The following ITGB1 variants were observed in gnomAD, a reference collection of about 807,000 sequenced individuals.
ITGB1 encodes the protein integrin beta-1.
In ITGB1, 24 loss-of-function variants were observed where a neutral mutation model predicts 86.5. The ratio of observed to expected loss-of-function variants is 0.28; its 90% confidence interval spans 0.20 to 0.39. The LOEUF (loss-of-function observed/expected upper bound fraction) is 0.39. ITGB1 is among the 10% of genes least tolerant of loss of function. ITGB1 has a pLI of 1.00. For synonymous variants in ITGB1, 323 were observed against 316.8 expected (o/e 1.02, Z -0.21); for missense variants, 556 against 946.9 (o/e 0.59, Z 5.42).
At chr10:32,903,858 C>T (rs1242967032) in intron 15 of ITGB1, among the ~76,000 whole-genome samples, 1 of 152,144 alleles carries the variant, frequency 6.6e-6, no homozygotes, top group African/African-American at 2.4e-5. Context: ...TTACACTCCA[C>T]ATTTATATCC....
At chr10:32,928,070 G>A in intron 5 of ITGB1, 24 bp downstream of exon 5, 2 of 1,358,402 alleles carry the variant, frequency 1.5e-6, no homozygotes, top group Non-Finnish European at 2.1e-6. Context: ...TAATGAAAAT[G>A]GTCAATGTTC....
chr10:32,904,622 C>A (rs2094891216), intron 15 of ITGB1, among the ~76,000 whole-genome samples: 1 of 152,198 alleles, frequency 6.6e-6, no homozygotes, highest in Non-Finnish European at 1.5e-5. Flanking sequence ...ACATAATTGA[C>A]TGGCAAACCT....
chr10:32,903,080 G>A (rs887216813), intron 15 of ITGB1, among the ~76,000 whole-genome samples: 4 of 151,952 alleles, frequency 2.6e-5, no homozygotes, highest in Admixed American at 6.6e-5. Flanking sequence ...GGGCAGGCGC[G>A]GTGGCTCATG....
intron 1 of ITGB1, among the ~76,000 whole-genome samples, chr10:32,948,310 T>G (rs963554618): frequency 2.6e-5 from 4 of 152,164 alleles, no homozygotes; most frequent in Non-Finnish European, 4.4e-5. Flanking sequence ...TATTTTATAC[T>G]GACAAAATAT....
chr10:32,947,216 TG>T lies in ITGB1; in HGVS notation c.-1+10928del, dbSNP rs2095033324. Reference sequence around the variant, plus strand: ...TATTATGTGCTTTGTAAAAATGTTGTGAACTCCCAAACTTATAGATTATCAC... The same window carrying T: ...TATTATGTGCTTTGTAAAAATGTTGTAACTCCCAAACTTATAGATTATCAC... On this transcript the variant is annotated intron_variant, in intron 1 of 15. Transcript: ENST00000302278. Among the ~76,000 whole-genome samples the T allele has an allele frequency of 2.6e-5, 4 of 152,226 alleles. 1 individual carries two copies. In the South Asian group the frequency reaches 8.3e-4, roughly 32 times the overall value.
At chr10:32,927,403 A>C (rs1334409495) in intron 5 of ITGB1, among the ~76,000 whole-genome samples, 1 of 152,190 alleles carries the variant, frequency 6.6e-6, no homozygotes, top group African/African-American at 2.4e-5. Flanking sequence ...CATATGAAAA[A>C]TCCAGGTCTA....
intron 10 of ITGB1, 33 bp from the exon 11 acceptor site, chr10:32,920,117 AAAC>A (rs1565823370): frequency 6.3e-7 from 1 of 1,583,702 alleles, no homozygotes; most frequent in Non-Finnish European, 8.6e-7. Context: ...ACAACCAACT[AAAC>A]AATTTAAATC....
chr10:32,917,585 T>A (rs961898665), intron 11 of ITGB1, among the ~76,000 whole-genome samples: 5 of 152,004 alleles, frequency 3.3e-5, no homozygotes, highest in Non-Finnish European at 7.4e-5. Flanking sequence ...AACAGACACA[T>A]GAAAAAATGC....
chr10:32,907,745 C>G (rs977979636), intron 15 of ITGB1, among the ~76,000 whole-genome samples: 6 of 151,918 alleles, frequency 3.9e-5, no homozygotes, highest in African/African-American at 1.5e-4. Flanking sequence ...AATCTTTTGG[C>G]TTCCCTGGGC....
intron 1 of ITGB1, among the ~76,000 whole-genome samples, chr10:32,942,683 CTT>C (rs756465879): frequency 2.4e-4 from 22 of 91,110 alleles, no homozygotes; most frequent in Admixed American, 5.8e-4. Context: ...CTCTCTCTCT[CTT>C]TTTTTTTTTT....
chr10:32,919,819 A>C, intron 11 of ITGB1, 66 bp downstream of exon 11: 1 of 1,423,334 alleles, frequency 7.0e-7, no homozygotes, highest in Non-Finnish European at 9.9e-7. Context: ...GATGTCCCAA[A>C]ATATGACCTG....
chr10:32,946,880 G>T (rs2095032572), intron 1 of ITGB1, among the ~76,000 whole-genome samples: 1 of 146,314 alleles, frequency 6.8e-6, no homozygotes, highest in South Asian at 2.2e-4. Flanking sequence ...AGTTTCACTT[G>T]ATCACCCAGG....
At chr10:32,944,496 C>T (rs945322968) in intron 1 of ITGB1, 6 of 401,722 alleles carry the variant, frequency 1.5e-5, no homozygotes, top group Admixed American at 6.6e-5. Flanking sequence ...ACCTCTCTAG[C>T]GGAGACCTGC....
intron 11 of ITGB1, among the ~76,000 whole-genome samples, chr10:32,918,371 G>GAAA (rs1227314661): frequency 1.3e-5 from 2 of 151,476 alleles, no homozygotes; most frequent in African/African-American, 4.8e-5. Context: ...ATCTTGGAGG[G>GAAA]AATAATAATA....
chr10:32,929,933 T>C lies in ITGB1; in HGVS notation c.265A>G (p.Ile89Val). ...DIENPRGSKD[I>V]KKNKNVTNRS... ...TTGGTTACATTTTTATTTTTCTTTA[T>C]ATCTTTGGAGCCTCTGGGATTTTCT... Residue 89 changes from isoleucine to valine, a missense_variant, in exon 4 of 16, where the codon ATA becomes GTA. Transcript: ENST00000302278. 1 of 1,579,004 alleles carries C rather than the reference T, an allele frequency of 6.3e-7. No individual in the cohort carries two copies. Among genetic ancestry groups the C allele is most frequent in the South Asian group, 1.1e-5 (1 of 90,410 alleles).
At position 32,912,124 on chromosome 10, in the gene ITGB1, C is replaced by T; in HGVS notation, c.1470G>A (p.Arg490=). 1 of 1,605,482 alleles carries T rather than the reference C, an allele frequency of 6.2e-7. No individual in the cohort carries two copies. The highest frequency in any genetic ancestry group is 8.5e-7 in the Non-Finnish European group (1 of 1,175,356). ...GNGTFECGAC[R]CNEGRVGRHC... is the part of the protein sequence containing the mutation. ...GTCTACCAACACGCCCTTCATTGCA[C>T]CTGAAGAAACATGCCAAAATTGCAA... Residue 490 remains arginine (R), a splice_region_variant and synonymous_variant, in exon 12 of 16, where the codon AGG becomes AGA. Coordinates refer to ENST00000302278, the MANE Select transcript of ITGB1 (RefSeq NM_002211.4).
chr10:32,926,672 C>A (rs1407664910), intron 5 of ITGB1, among the ~76,000 whole-genome samples: 1 of 152,218 alleles, frequency 6.6e-6, no homozygotes, highest in Non-Finnish European at 1.5e-5. Context: ...GTAGAGCTTG[C>A]AGGACCGTAA....
intron 11 of ITGB1, 51 bp from the exon 12 acceptor site, chr10:32,912,175 A>G: frequency 6.7e-7 from 1 of 1,492,084 alleles, no homozygotes; most frequent in Non-Finnish European, 9.2e-7. Flanking sequence ...ATAATTTAAG[A>G]GGTTCCAAGA....
chr10:32,944,291 C>A (rs1475056431), intron 1 of ITGB1, among the ~76,000 whole-genome samples: 1 of 152,234 alleles, frequency 6.6e-6, no homozygotes, highest in Non-Finnish European at 1.5e-5. Flanking sequence ...CAGTCCCCGC[C>A]CACTAGCAGC....
Sources: allele counts gnomAD v4.1 joint callset (sites outside exome capture counted in the v4.1 genomes callset), GRCh38; gene constraint gnomAD v4.1.1; transcripts MANE v1.5; gene names NCBI Gene and HGNC (gene_info 2026-07-23, HGNC 2026-07-21).